Variants in TMEFF2 observed in about 807,000 individuals in gnomAD.
TMEFF2 encodes tomoregulin-2.
In TMEFF2, 28 loss-of-function variants were observed where a neutral mutation model predicts 53.8. The ratio of observed to expected loss-of-function variants is 0.52; its 90% CI spans 0.39 to 0.71. The LOEUF (loss-of-function observed/expected upper bound fraction) is 0.71, where lower values mean the gene tolerates loss of function less well. TMEFF2 is among the 30% of genes least tolerant of loss of function. The pLI, the probability that TMEFF2 is intolerant of heterozygous loss-of-function variation, is 0.00. For synonymous variants in TMEFF2, 162 were observed against 166.3 expected, an observed-to-expected ratio of 0.97 and a Z score of 0.20; for missense variants, 353 against 455.2, an observed-to-expected ratio of 0.78 and a Z score of 2.04.
At chr2:192,128,663 GA>G (rs750179356) in intron 4 of TMEFF2, among the ~76,000 whole-genome samples, 1 of 152,186 alleles carries the variant, frequency 6.6e-6, no homozygotes, top group Non-Finnish European at 1.5e-5. Flanking sequence ...GCAAGTTTTA[GA>G]AGCTTATCAG....
intron 4 of TMEFF2, 32 bp downstream of exon 4, chr2:192,179,636 A>T: frequency 6.4e-7 from 1 of 1,564,090 alleles, no homozygotes; most frequent in Non-Finnish European, 8.6e-7. Flanking sequence ...TCCACCAGTA[A>T]ATCTTCAAAT....
intron 7 of TMEFF2, among the ~76,000 whole-genome samples, chr2:191,961,328 T>G (rs1473736454): frequency 6.6e-6 from 1 of 152,196 alleles, no homozygotes; most frequent in African/African-American, 2.4e-5. Context: ...GTTTATTATC[T>G]TTTCAACTAT....
chr2:192,124,122 C>G (rs914440894), intron 4 of TMEFF2, among the ~76,000 whole-genome samples: 5 of 152,188 alleles, frequency 3.3e-5, no homozygotes, highest in African/African-American at 1.2e-4. Context: ...CAGTCTGAGT[C>G]TGCAGTGCTG....
At chr2:192,179,758 C>G (rs1350566441) in intron 3 of TMEFF2, 64 bp from the exon 4 acceptor site, 1 of 1,439,180 alleles carries the variant, frequency 6.9e-7, no homozygotes, top group African/African-American at 1.5e-5. Flanking sequence ...ACTTTTTAAG[C>G]TCAAGTTTAT....
intron 7 of TMEFF2, among the ~76,000 whole-genome samples, chr2:191,985,589 C>T (rs1685956810): frequency 6.6e-6 from 1 of 152,146 alleles, no homozygotes; most frequent in Admixed American, 6.5e-5. Flanking sequence ...TTAACCAACT[C>T]CTCCTTCTTA....
intron 4 of TMEFF2, among the ~76,000 whole-genome samples, chr2:192,129,706 C>T (rs1430448006): frequency 6.6e-6 from 1 of 152,150 alleles, no homozygotes; most frequent in Non-Finnish European, 1.5e-5. Context: ...TAAATGTGTA[C>T]ATCTGTGGGA....
intron 4 of TMEFF2, among the ~76,000 whole-genome samples, chr2:192,168,766 A>G (rs976776909): frequency 2.6e-5 from 4 of 152,138 alleles, no homozygotes; most frequent in African/African-American, 9.7e-5. Context: ...AATAATTTAA[A>G]TGGCAGCATG....
chr2:191,951,435 T>A (rs925082209), intron 9 of TMEFF2, among the ~76,000 whole-genome samples: 75 of 151,868 alleles, frequency 4.9e-4, no homozygotes, highest in African/African-American at 1.5e-3. Flanking sequence ...AAGATTTTTT[T>A]AAAAAAAGAA....
At chr2:192,071,971 G>T (rs1050648055) in intron 4 of TMEFF2, among the ~76,000 whole-genome samples, 5 of 151,880 alleles carry the variant, frequency 3.3e-5, no homozygotes, top group African/African-American at 4.8e-5. Context: ...TATGGGGAAA[G>T]GTGGCATAGG....
At position 191,999,082 on chromosome 2, in the gene TMEFF2, G is replaced by C. The variant is rs369558730; in HGVS notation, c.663C>G (p.Val221=). 12 of 1,609,816 alleles carry C rather than the reference G, an allele frequency of 7.5e-6. No homozygotes were observed. The highest frequency in any genetic ancestry group is 1.7e-5 in the Admixed American group (1 of 59,826). The part of the protein sequence containing the change: ...ASCQKQEKIE[V]MSLGRCQDNT... Reference sequence around the variant, plus strand: ...TACCTTGACATCGACCCAAAGACATGACTTCAATTTTCTCCTGTTTCTGAC... The same window carrying C: ...TACCTTGACATCGACCCAAAGACATCACTTCAATTTTCTCCTGTTTCTGAC... Residue 221 remains valine (V), a synonymous_variant, in exon 6 of 10, where the codon GTC becomes GTG. Coordinates refer to ENST00000272771, the MANE Select transcript of TMEFF2 (RefSeq NM_016192.4).
chr2:192,075,316 T>C (rs951370144), intron 4 of TMEFF2, among the ~76,000 whole-genome samples: 3 of 120,548 alleles, frequency 2.5e-5, no homozygotes, highest in African/African-American at 3.5e-5. Flanking sequence ...TATATATATA[T>C]ATATATATAT....
At chr2:191,983,199 G>T (rs1416153300) in intron 7 of TMEFF2, among the ~76,000 whole-genome samples, 1 of 152,146 alleles carries the variant, frequency 6.6e-6, no homozygotes, top group East Asian at 1.9e-4. Context: ...CAGGCAGGTG[G>T]TGAATAATTT....
chr2:192,149,442 C>T (rs1266652427), intron 4 of TMEFF2, among the ~76,000 whole-genome samples: 1 of 151,894 alleles, frequency 6.6e-6, no homozygotes, highest in Admixed American at 6.6e-5. Flanking sequence ...TATGCTTTTT[C>T]TATTCTTCAA....
chr2:192,103,382 C>T (rs1343995895), intron 4 of TMEFF2, among the ~76,000 whole-genome samples: 1 of 152,072 alleles, frequency 6.6e-6, no homozygotes, highest in South Asian at 2.1e-4. Flanking sequence ...GCTTGGATTA[C>T]GGCCTGGATA....
At chr2:191,975,836 G>A (rs984688061) in intron 7 of TMEFF2, among the ~76,000 whole-genome samples, 3 of 152,158 alleles carry the variant, frequency 2.0e-5, no homozygotes, top group Admixed American at 2.0e-4. Flanking sequence ...CAGAGCCTCA[G>A]GATCCCATCT....
intron 4 of TMEFF2, among the ~76,000 whole-genome samples, chr2:192,145,210 G>C (rs911426342): frequency 2.6e-5 from 4 of 151,690 alleles, no homozygotes; most frequent in Non-Finnish European, 5.9e-5. Context: ...TGATTCCTTT[G>C]AAAAGTAACT....
chr2:191,958,269 C>A (rs1178314216), intron 7 of TMEFF2, among the ~76,000 whole-genome samples: 1 of 152,178 alleles, frequency 6.6e-6, no homozygotes, highest in African/African-American at 2.4e-5. Context: ...GGACCTTCTT[C>A]CCATAACAAA....
At chr2:192,166,500 T>C (rs1219734981) in intron 4 of TMEFF2, among the ~76,000 whole-genome samples, 2 of 152,204 alleles carry the variant, frequency 1.3e-5, no homozygotes, top group African/African-American at 4.8e-5. Context: ...TTAAGACAGG[T>C]ACATATTTGT....
chr2:192,134,048 T>C (rs1689932717), intron 4 of TMEFF2, among the ~76,000 whole-genome samples: 1 of 152,168 alleles, frequency 6.6e-6, no homozygotes, highest in Admixed American at 6.6e-5. Context: ...AGCCTAGCCA[T>C]CATGTCTGCG....
Sources: gnomAD v4.1 joint callset for allele counts (sites outside exome capture counted in the v4.1 genomes callset) on GRCh38, gnomAD v4.1.1 for gene constraint, MANE v1.5 for transcripts, NCBI Gene and HGNC (gene_info 2026-07-23, HGNC 2026-07-21) for gene names.